The following DENND5A variants were observed in gnomAD, a reference collection of about 807,000 sequenced individuals.
DENND5A encodes the protein DENN domain-containing protein 5A.
DENND5A carries 64 observed loss-of-function variants against 140.3 expected under a neutral mutation model. That is an observed-to-expected ratio of 0.46 (90% CI 0.37 to 0.56). The LOEUF is 0.56. Among genes scored for constraint, DENND5A ranks in the 20% least tolerant of loss-of-function variants. The probability of loss-of-function intolerance (pLI) is 0.00; values close to 1 mark genes in which losing one functional copy is unlikely to be tolerated. For synonymous variants in DENND5A, 605 were observed against 607.7 expected (o/e 1.00, Z 0.07); for missense variants, 1,292 against 1,593.8 (o/e 0.81, Z 3.22).
chr11:9,252,082 G>A (rs1851748219), intron 1 of DENND5A, among the ~76,000 whole-genome samples: 1 of 145,600 alleles, frequency 6.9e-6, no homozygotes, highest in Non-Finnish European at 1.5e-5. Flanking sequence ...GGCGGATCAC[G>A]AGGTCCAGAG....
chr11:9,176,751 C>T (rs546886157), intron 8 of DENND5A: 3 of 363,226 alleles, frequency 8.3e-6, no homozygotes, highest in African/African-American at 4.3e-5. Flanking sequence ...GTTTGTGTGG[C>T]AAATACCATC....
At chr11:9,236,576 T>C (rs1025432371) in intron 1 of DENND5A, among the ~76,000 whole-genome samples, 12 of 151,614 alleles carry the variant, frequency 7.9e-5, no homozygotes, top group African/African-American at 2.9e-4. Context: ...CATTTTTAAA[T>C]AGTAAATTAA....
Position 9,219,457 on chromosome 11 carries a change from T to TA in DENND5A, c.110-11826dup, listed in dbSNP as rs1850223838. ...AGTTAGAATTATATACTCAGCCAAATAATAAGAGAGTAAAAGAAAGAAATT... is the reference window on the plus strand; with the variant it reads ...AGTTAGAATTATATACTCAGCCAAATAAATAAGAGAGTAAAAGAAAGAAATT... On this transcript the variant is annotated intron_variant, in intron 1 of 22. Coordinates refer to ENST00000328194, the MANE Select transcript of DENND5A (RefSeq NM_015213.4). 1.3e-4 allele frequency among the ~76,000 whole-genome samples: 19 copies of TA among 151,886 alleles called. No individual in the cohort carries two copies. The South Asian group carries it at 3.9e-3, about 32-fold the overall frequency.
At position 9,164,056 on chromosome 11, in the gene DENND5A, G is replaced by GTTTTTTTTTTTTTTTTTTTTTTT. The variant is rs768604681; in HGVS notation, c.2283+1757_2283+1779dup. The stretch of plus-strand genomic sequence containing the variant: ...ATATCAGTACTGATATATTAATCAG[G>GTTTTTTTTTTTTTTTTTTTTTTT]TTTTTTTTTTTTTTTTTTTTTTTTT... On this transcript the variant is annotated intron_variant, in intron 11 of 22. Coordinates refer to ENST00000328194, the MANE Select transcript of DENND5A (RefSeq NM_015213.4). Among the ~76,000 whole-genome samples the GTTTTTTTTTTTTTTTTTTTTTTT allele has an allele frequency of 5.2e-5, 3 of 57,958 alleles. 1 individual carries two copies. The highest frequency in any genetic ancestry group is 1.3e-4 in the African/African-American group (2 of 15,586). The allele number at this position is 57,958 out of a possible 152,430, so 38.0% of individuals were successfully genotyped here.
At chr11:9,257,238 C>T (rs1388029438) in intron 1 of DENND5A, among the ~76,000 whole-genome samples, 4 of 151,642 alleles carry the variant, frequency 2.6e-5, no homozygotes. Context: ...TCAAGTGATC[C>T]ACCTGCCTCA....
intron 6 of DENND5A, among the ~76,000 whole-genome samples, chr11:9,179,573 C>CA (rs1848658819): frequency 6.6e-6 from 1 of 151,282 alleles, no homozygotes; most frequent in African/African-American, 2.4e-5. Context: ...CATCTCGGCT[C>CA]ACCGCAACCT....
At chr11:9,185,861 G>T (rs1412913103) in intron 5 of DENND5A, among the ~76,000 whole-genome samples, 1 of 151,798 alleles carries the variant, frequency 6.6e-6, no homozygotes, top group African/African-American at 2.4e-5. Context: ...TGTCTGTGTT[G>T]TCTGTGTGTG....
intron 4 of DENND5A, among the ~76,000 whole-genome samples, chr11:9,198,090 A>T (rs1418882005): frequency 6.6e-6 from 1 of 152,216 alleles, no homozygotes; most frequent in Non-Finnish European, 1.5e-5. Flanking sequence ...TTGTGTAAAT[A>T]AATGGTAAAA....
chr11:9,261,623 C>T (rs986697923), intron 1 of DENND5A, among the ~76,000 whole-genome samples: 1 of 151,892 alleles, frequency 6.6e-6, no homozygotes, highest in Non-Finnish European at 1.5e-5. Context: ...ACTAAAGATA[C>T]AAAAATTAGC....
At chr11:9,151,476 T>C (rs1847613799) in intron 13 of DENND5A, among the ~76,000 whole-genome samples, 1 of 152,144 alleles carries the variant, frequency 6.6e-6, no homozygotes, top group African/African-American at 2.4e-5. Flanking sequence ...AGAACTCTTG[T>C]CTCTAGTTTT....
intron 1 of DENND5A, among the ~76,000 whole-genome samples, chr11:9,221,685 G>C (rs1850318540): frequency 6.7e-6 from 1 of 150,278 alleles, no homozygotes; most frequent in Non-Finnish European, 1.5e-5. Context: ...TATATTTCTA[G>C]TTATTACAAG....
intron 10 of DENND5A, among the ~76,000 whole-genome samples, chr11:9,166,615 C>A (rs923305752): frequency 6.6e-6 from 1 of 151,892 alleles, no homozygotes; most frequent in Admixed American, 6.6e-5. Context: ...GGGTGGATCA[C>A]AAGGTCAGGA....
intron 10 of DENND5A, among the ~76,000 whole-genome samples, chr11:9,167,482 A>C (rs1050815713): frequency 4.6e-5 from 7 of 151,270 alleles, no homozygotes; most frequent in East Asian, 1.9e-4. Context: ...GATTAAAAAA[A>C]AAAAAAAAAA....
chr11:9,165,318 A>G lies in DENND5A; in HGVS notation c.2283+518T>C, dbSNP rs182377065. Among the ~76,000 whole-genome samples the G allele has an allele frequency of 3.4e-3, 524 of 152,194 alleles. 1 individual carries two copies. The highest frequency in any genetic ancestry group is 0.012 in the African/African-American group (506 of 41,520). ...CCCAGCTTGTTGTTCATTTTTATAG[A>G]GTATACATTAAGTTTTTATCAAGCA... On this transcript the variant is annotated intron_variant, in intron 11 of 22. Transcript: ENST00000328194.
chr11:9,207,743 T>C (rs1408291662), intron 1 of DENND5A, 111 bp from the exon 2 acceptor site: 1 of 755,342 alleles, frequency 1.3e-6, no homozygotes, highest in Non-Finnish European at 2.2e-6. Flanking sequence ...AATAAACACA[T>C]ACATGTATGT....
Position 9,178,262 on chromosome 11 carries a change from A to T in DENND5A, c.1776T>A (p.His592Gln). The T allele has an allele frequency of 1.2e-6, 2 of 1,613,888 alleles. No homozygotes were observed. Among genetic ancestry groups the T allele is most frequent in the Non-Finnish European group, 1.7e-6 (2 of 1,179,826 alleles). ...ASFIDNKIMC[H>Q]DDDDKDPVLR... ...GTACAGGGTCTTTATCATCATCATC[A>T]TGACACATTATTTTGTTGTCAATGA... The change falls in exon 8 of 23, where the codon CAT becomes CAA. Residue 592 changes from histidine to glutamine, a missense_variant. Transcript: ENST00000328194.
intron 11 of DENND5A, among the ~76,000 whole-genome samples, chr11:9,162,364 C>T (rs1848016747): frequency 6.6e-6 from 1 of 151,508 alleles, no homozygotes; most frequent in East Asian, 1.9e-4. Context: ...CTCAGCCTCC[C>T]GAGTAGCTGG....
intron 1 of DENND5A, among the ~76,000 whole-genome samples, chr11:9,259,770 T>C (rs950290126): frequency 1.3e-5 from 2 of 152,094 alleles, no homozygotes; most frequent in East Asian, 3.9e-4. Context: ...GGCTCACACC[T>C]GTAATCCCAA....
intron 6 of DENND5A, 28 bp downstream of exon 6, chr11:9,180,739 G>A (rs757238081): frequency 1.5e-4 from 241 of 1,599,028 alleles, no homozygotes; most frequent in East Asian, 2.0e-4. Flanking sequence ...CAGATCACAC[G>A]TGTCACAGAC....
Sources: gnomAD v4.1 joint callset for allele counts (sites outside exome capture counted in the v4.1 genomes callset) on GRCh38, gnomAD v4.1.1 for gene constraint, MANE v1.5 for transcripts, NCBI Gene and HGNC (gene_info 2026-07-23, HGNC 2026-07-21) for gene names.